KMT2A: variants seen among roughly 807,000 people sequenced by gnomAD.
KMT2A encodes the protein lysine methyltransferase 2A.
Under a neutral mutation model 345.3 loss-of-function variants are expected in KMT2A, and 16 were observed. The ratio of observed to expected loss-of-function variants is 0.05; its 90% CI spans 0.03 to 0.07. The LOEUF is 0.07. Among genes scored for constraint, KMT2A ranks in the 10% least tolerant of loss-of-function variants. The pLI is 1.00. For missense variants in KMT2A, 3,272 were observed against 4,841.6 expected (o/e 0.68, Z 9.62); for synonymous variants, 1,599 against 1,778.6 (o/e 0.90, Z 2.54).
chr11:118,513,442 A>G (rs1402758131), intron 31 of KMT2A, among the ~76,000 whole-genome samples: 2 of 151,730 alleles, frequency 1.3e-5, no homozygotes, highest in Non-Finnish European at 2.9e-5. Flanking sequence ...TTCCTTTAAG[A>G]GGGAAGGGAA....
rs2135295669 is a variant in KMT2A, at chr11:118,521,451, T to C, written c.11643+34T>C. The C allele has an allele frequency of 6.2e-7, 1 of 1,610,706 alleles. No homozygotes were observed. The highest frequency in any genetic ancestry group is 2.2e-5 in the East Asian group (1 of 44,772). ...CCCACTTGCACTCACACAGTTCTTT[T>C]GTTTTGCTGTAGAAAGGGACCAGTA... On this transcript the variant is annotated intron_variant, in intron 35 of 35. Coordinates refer to ENST00000534358, the MANE Select transcript of KMT2A (RefSeq NM_001197104.2). This position sits in a 1 kb window ranked among gnomAD's most constrained non-coding sequence, Gnocchi z 5.3.
In KMT2A at chr11:118,473,678, C is replaced by T. The variant is rs1555036603; in HGVS notation, c.2519C>T (p.Thr840Ile). 6.2e-7 allele frequency: 1 copy of T among 1,614,006 alleles called. No homozygotes were observed. The highest frequency in any genetic ancestry group is 1.3e-5 in the African/African-American group (1 of 74,902). The change falls in exon 3 of 36, where the codon ACC (threonine) becomes ATC (isoleucine). Residue 840 changes from threonine (T) to isoleucine (I), a missense_variant. Physicochemically the swap from Thr to Ile is moderately conservative, Grantham distance 89. Coordinates refer to ENST00000534358, the MANE Select transcript of KMT2A (RefSeq NM_001197104.2). This position sits in a 1 kb window ranked among gnomAD's most constrained non-coding sequence, Gnocchi z 5.2. ...CCTACTCCTCTCTTCCCTTGGTTTA[C>T]CCCAGGCTCTCAGACTGAAAGAGGG... Reference protein sequence around the residue: ...SSPTPLFPWFTPGSQTERGRN... With the variant: ...SSPTPLFPWFIPGSQTERGRN...
At chr11:118,450,239 A>G (rs1164465727) in intron 1 of KMT2A, 1 of 151,970 alleles carries the variant, frequency 6.6e-6, no homozygotes, top group Admixed American at 6.6e-5. Context: ...GATTCTGCAG[A>G]ATAATTTGGG....
Position 118,464,152 on chromosome 11 carries a change from C to T in KMT2A, c.433-4623C>T, listed in dbSNP as rs782765477. On this transcript the variant is annotated intron_variant, in intron 1 of 35. Transcript: ENST00000534358. ...AGGAAAAAATTCATCTTGTTCATGC[C>T]GTAATTGAAGAGGAATGATGATTAA... Among the ~76,000 whole-genome samples the T allele has an allele frequency of 2.5e-4, 38 of 152,230 alleles. 1 individual carries two copies. Among genetic ancestry groups the T allele is most frequent in the Middle Eastern group, 3.4e-3 (1 of 294 alleles).
chr11:118,467,377 A>G (rs1161888408), intron 1 of KMT2A, among the ~76,000 whole-genome samples: 2 of 137,576 alleles, frequency 1.5e-5, no homozygotes, highest in African/African-American at 5.8e-5. Context: ...ACTCCGTCTC[A>G]AAAAAAAAAA....
chr11:118,456,496 G>A (rs1413562831), intron 1 of KMT2A, among the ~76,000 whole-genome samples: 3 of 151,820 alleles, frequency 2.0e-5, no homozygotes, highest in Non-Finnish European at 2.9e-5. Context: ...CTGCCACCAC[G>A]CCCAGCTAAT....
intron 1 of KMT2A, among the ~76,000 whole-genome samples, chr11:118,443,283 T>A (rs139787324): frequency 4.9e-4 from 75 of 152,314 alleles, no homozygotes; most frequent in African/African-American, 1.7e-3. Flanking sequence ...ACAGAGACAC[T>A]TGGACTGAGG....
intron 1 of KMT2A, among the ~76,000 whole-genome samples, chr11:118,459,849 G>C (rs567496858): frequency 6.7e-5 from 10 of 150,004 alleles, no homozygotes; most frequent in Non-Finnish European, 8.9e-5. Flanking sequence ...ACCACGCCCG[G>C]CTAATTTTTG....
In KMT2A at chr11:118,506,679, T is replaced by G. The variant is rs1555048614; in HGVS notation, c.10754+33T>G. On this transcript the variant is annotated intron_variant, in intron 27 of 35. Coordinates refer to ENST00000534358, the MANE Select transcript of KMT2A (RefSeq NM_001197104.2). Reference sequence around the variant, plus strand: ...ATCCAAATACTAGCTAGGCTGGGTCTGTGGGATTTCATGTTGTAAATTAGG... The same window carrying G: ...ATCCAAATACTAGCTAGGCTGGGTCGGTGGGATTTCATGTTGTAAATTAGG... 5 of 1,540,042 alleles carry G rather than the reference T, an allele frequency of 3.2e-6. No individual in the cohort carries two copies. In the Admixed American group the frequency reaches 6.0e-5, roughly 19 times the overall value.
Position 118,473,934 on chromosome 11 carries a change from T to C in KMT2A, c.2775T>C (p.Ser925=). 6.2e-7 allele frequency: 1 copy of C among 1,614,108 alleles called. No individual in the cohort carries two copies. Among genetic ancestry groups the C allele is most frequent in the South Asian group, 1.1e-5 (1 of 91,082 alleles). The change falls in exon 3 of 36, where the codon TCT becomes TCC. Residue 925 remains serine, a synonymous_variant. Coordinates refer to ENST00000534358, the MANE Select transcript of KMT2A (RefSeq NM_001197104.2). This position sits in a 1 kb window ranked among gnomAD's most constrained non-coding sequence, Gnocchi z 5.2. The part of the protein sequence containing the change: ...KVVGEDVATS[S]SAKKATGRKK... Reference sequence around the variant, plus strand: ...TTGGTGAAGATGTTGCCACTTCATCTTCTGCCAAAAAAGCAACAGGGCGGA... The same window carrying C: ...TTGGTGAAGATGTTGCCACTTCATCCTCTGCCAAAAAAGCAACAGGGCGGA...
chr11:118,503,983 G>T lies in KMT2A; in HGVS notation c.8091G>T (p.Glu2697Asp), dbSNP rs200177201. The change falls in exon 27 of 36, where the codon GAG becomes GAT. Residue 2697 changes from glutamate to aspartate, a missense_variant. This residue lies in a region of KMT2A where 47 missense variants were observed against 53.6 expected (regional missense o/e 0.88). Coordinates refer to ENST00000534358, the MANE Select transcript of KMT2A (RefSeq NM_001197104.2). This position sits in a 1 kb window ranked among gnomAD's most constrained non-coding sequence, Gnocchi z 5.3. ...FTRTVISSGG[E>D]ERLASHNLFR... ...GAACAGTGATTTCTTCAGGTGGAGA[G>T]GAACGACTGGCATCCCATAATTTAT... 2 of 1,614,198 alleles carry T rather than the reference G, an allele frequency of 1.2e-6. No individual in the cohort carries two copies. Among genetic ancestry groups the T allele is most frequent in the Non-Finnish European group, 1.7e-6 (2 of 1,180,044 alleles).
Position 118,506,160 on chromosome 11 carries a change from T to C in KMT2A, c.10268T>C (p.Ile3423Thr). The C allele has an allele frequency of 6.2e-7, 1 of 1,614,156 alleles. No homozygotes were observed. The highest frequency in any genetic ancestry group is 1.3e-5 in the African/African-American group (1 of 75,026). The change falls in exon 27 of 36, where the codon ATA becomes ACA. Residue 3423 changes from isoleucine (I) to threonine (T), a missense_variant. Physicochemically the swap from Ile to Thr is moderately conservative, Grantham distance 89. Coordinates refer to ENST00000534358, the MANE Select transcript of KMT2A (RefSeq NM_001197104.2). ...TCACAGACCCCCTCTACTGCTGCAA[T>C]AACAGCGGCATCTAGCATCTGTGTG... ...GTSQTPSTAA[I>T]TAASSICVLP... is the part of the protein sequence containing the mutation.
intron 30 of KMT2A, 74 bp from the exon 31 acceptor site, chr11:118,511,877 G>T: frequency 1.8e-6 from 2 of 1,118,402 alleles, no homozygotes; most frequent in South Asian, 1.3e-5. Context: ...AGCAGTGCTT[G>T]TGCACATCAT....
At chr11:118,486,738 T>TA (rs1171919464) in intron 10 of KMT2A, among the ~76,000 whole-genome samples, 1 of 151,698 alleles carries the variant, frequency 6.6e-6, no homozygotes, top group Non-Finnish European at 1.5e-5. Context: ...CCAGGCATGG[T>TA]AGCATGTGCC....
In KMT2A at chr11:118,494,688, T is replaced by C. The variant is rs781793118; in HGVS notation, c.5290-6T>C. 5.6e-6 allele frequency: 9 copies of C among 1,613,076 alleles called. No individual in the cohort carries two copies. Among genetic ancestry groups the C allele is most frequent in the Non-Finnish European group, 7.6e-6 (9 of 1,179,352 alleles). ...ATATTTACATTTTGTTTGTGTTTTC[T>C]TTTAGCAAATGGAACGTGTTTTTCC... On this transcript the variant is annotated splice_polypyrimidine_tract_variant and splice_region_variant and intron_variant, in intron 17 of 35. Coordinates refer to ENST00000534358, the MANE Select transcript of KMT2A (RefSeq NM_001197104.2). This position sits in a 1 kb window ranked among gnomAD's most constrained non-coding sequence, Gnocchi z 5.8.
intron 6 of KMT2A, 91 bp from the exon 7 acceptor site, chr11:118,481,624 G>C (rs782394435): frequency 8.0e-6 from 11 of 1,372,906 alleles, no homozygotes; most frequent in Non-Finnish European, 9.9e-6. Flanking sequence ...CTAGCTGTGG[G>C]ATTGCTGGAT....
chr11:118,469,589 A>G (rs1305734590), intron 2 of KMT2A, among the ~76,000 whole-genome samples: 1 of 152,214 alleles, frequency 6.6e-6, no homozygotes, highest in Non-Finnish European at 1.5e-5. Flanking sequence ...ATAACATTTA[A>G]TGGCTTGCCT....
chr11:118,505,668 A>C lies in KMT2A; in HGVS notation c.9776A>C (p.Asn3259Thr). 3 of 1,614,180 alleles carry C rather than the reference A, an allele frequency of 1.9e-6. No homozygotes were observed. Among genetic ancestry groups the C allele is most frequent in the Non-Finnish European group, 2.5e-6 (3 of 1,180,020 alleles). ...GTGGTTTCTAATATGACATTGATTA[A>C]CTTCACACCCTCCCAGCTTCCTAAT... ...SDVVSNMTLI[N>T]FTPSQLPNHP... is the part of the protein sequence containing the mutation. The change falls in exon 27 of 36, where the codon AAC becomes ACC. Residue 3259 changes from asparagine to threonine, a missense_variant. Physicochemically the swap from Asn to Thr is moderately conservative, Grantham distance 65. Transcript: ENST00000534358. This position sits in a 1 kb window ranked among gnomAD's most constrained non-coding sequence, Gnocchi z 4.6.
intron 10 of KMT2A, among the ~76,000 whole-genome samples, chr11:118,486,641 C>T (rs572316333): frequency 8.8e-4 from 134 of 151,892 alleles, no homozygotes; most frequent in Non-Finnish European, 1.2e-3. Context: ...GGGAGGCTGA[C>T]GCAGGAGGAC....
Sources: gnomAD v4.1 joint callset for allele counts (sites outside exome capture counted in the v4.1 genomes callset) on GRCh38, gnomAD v4.1.1 for gene constraint, gnomAD v4.1.1 regional missense constraint, Gnocchi (gnomAD v3.1) non-coding constraint, MANE v1.5 for transcripts, NCBI Gene and HGNC (gene_info 2026-07-23, HGNC 2026-07-21) for gene names.